PRORP: variants seen among roughly 807,000 people sequenced by gnomAD.
PRORP encodes protein only RNase P catalytic subunit, also known as mitochondrial ribonuclease P catalytic subunit.
Under a neutral mutation model 59.4 loss-of-function variants are expected in PRORP, and 51 were observed. That is an observed-to-expected ratio of 0.86 (90% CI 0.69 to 1.08). The LOEUF is 1.08. Ranked by LOEUF, PRORP falls within the 50% of genes least tolerant of loss-of-function variation. PRORP has a pLI of 0.00. For missense variants in PRORP, 646 were observed against 690.3 expected (o/e 0.94, Z 0.72); for synonymous variants, 231 against 245.6 (o/e 0.94, Z 0.55).
chr14:35,192,093 G>C (rs2048897767), intron 5 of PRORP, among the ~76,000 whole-genome samples: 1 of 152,072 alleles, frequency 6.6e-6, no homozygotes, highest in Non-Finnish European at 1.5e-5. Flanking sequence ...CCTCATCGTG[G>C]ATTATAGTAA....
intron 5 of PRORP, among the ~76,000 whole-genome samples, chr14:35,195,525 C>T (rs1199017265): frequency 1.3e-5 from 2 of 152,050 alleles, no homozygotes. Context: ...GTCACTTCTT[C>T]CTTTATATAG....
chr14:35,264,806 C>T (rs1448585519), intron 5 of PRORP, among the ~76,000 whole-genome samples: 3 of 152,178 alleles, frequency 2.0e-5, no homozygotes, highest in Non-Finnish European at 4.4e-5. Context: ...GGTGAAACCC[C>T]GTCTCTGCTA....
At chr14:35,238,274 A>G (rs1003078895) in intron 5 of PRORP, among the ~76,000 whole-genome samples, 23 of 152,204 alleles carry the variant, frequency 1.5e-4, no homozygotes, top group African/African-American at 4.1e-4. Context: ...GTGCCGCACT[A>G]TCATGCCCTG....
intron 5 of PRORP, among the ~76,000 whole-genome samples, chr14:35,218,748 ACTCCT>A (rs2049688977): frequency 6.6e-6 from 1 of 151,186 alleles, no homozygotes; most frequent in South Asian, 2.1e-4. Context: ...CTGGTCTTGA[ACTCCT>A]GACCTCAAGT....
intron 4 of PRORP, among the ~76,000 whole-genome samples, chr14:35,139,116 C>A (rs2047430903): frequency 6.9e-6 from 1 of 145,274 alleles, no homozygotes; most frequent in African/African-American, 2.4e-5. Context: ...TCATACAAGT[C>A]CTTTTGGTTT....
intron 4 of PRORP, among the ~76,000 whole-genome samples, chr14:35,168,024 A>G (rs1468716535): frequency 6.6e-6 from 1 of 152,214 alleles, no homozygotes; most frequent in Non-Finnish European, 1.5e-5. Flanking sequence ...GTTAATAGAC[A>G]CTTGAATTGT....
intron 5 of PRORP, among the ~76,000 whole-genome samples, chr14:35,196,466 C>T (rs916471456): frequency 6.6e-6 from 1 of 152,208 alleles, no homozygotes; most frequent in East Asian, 1.9e-4. Context: ...TGATGCACTC[C>T]ATCCTGGGTA....
chr14:35,187,248 A>G (rs1337712976), intron 5 of PRORP, among the ~76,000 whole-genome samples: 1 of 152,178 alleles, frequency 6.6e-6, no homozygotes, highest in Non-Finnish European at 1.5e-5. Context: ...TTTCCAAAGC[A>G]TCTGCACCAT....
At chr14:35,255,416 C>T (rs1337459231) in intron 5 of PRORP, among the ~76,000 whole-genome samples, 2 of 152,240 alleles carry the variant, frequency 1.3e-5, no homozygotes, top group African/African-American at 4.8e-5. Context: ...AGGCATGAGC[C>T]ACCACACCCG....
intron 6 of PRORP, among the ~76,000 whole-genome samples, chr14:35,269,591 C>T (rs1372770234): frequency 6.6e-6 from 1 of 152,264 alleles, no homozygotes; most frequent in Middle Eastern, 3.4e-3. Flanking sequence ...CCAACAATTA[C>T]CATCATTTTG....
In PRORP at chr14:35,127,557, A is replaced by T; in HGVS notation, c.1113A>T (p.Lys371Asn). ...SPEEYECLKG[K>N]IMRDVIDGGD... ...AAGAATATGAATGTCTTAAGGGAAA[A>T]ATCATGAGGGATGTGATAGATGGAG... Residue 371 changes from lysine to asparagine, a missense_variant, in exon 4 of 8, where the codon AAA (lysine) becomes AAT (asparagine). Lys to Asn is a moderately conservative substitution (Grantham distance 94). Coordinates refer to ENST00000534898, the MANE Select transcript of PRORP (RefSeq NM_014672.4). 6.2e-7 allele frequency: 1 copy of T among 1,614,060 alleles called. No individual in the cohort carries two copies. The highest frequency in any genetic ancestry group is 8.5e-7 in the Non-Finnish European group (1 of 1,179,970).
intron 5 of PRORP, among the ~76,000 whole-genome samples, chr14:35,226,724 A>C (rs1388520331): frequency 6.6e-6 from 1 of 151,334 alleles, no homozygotes; most frequent in Non-Finnish European, 1.5e-5. Flanking sequence ...AAACAAGCAA[A>C]AATTATTATT....
intron 5 of PRORP, among the ~76,000 whole-genome samples, chr14:35,185,158 C>G (rs568487859): frequency 2.6e-4 from 39 of 152,242 alleles, no homozygotes; most frequent in African/African-American, 9.4e-4. Context: ...TAAGTGTTCC[C>G]TTTTCTCTGC....
chr14:35,188,410 C>T (rs1168310140), intron 5 of PRORP, among the ~76,000 whole-genome samples: 4 of 150,810 alleles, frequency 2.7e-5, no homozygotes, highest in East Asian at 4.0e-4. Context: ...AGGCTGGTCT[C>T]GAACTCCTGA....
chr14:35,273,447 T>C lies in PRORP; in HGVS notation c.1633T>C (p.Tyr545His). ...SKLTFQRILSYDTVVQTTGDS... is the reference protein window; with the variant it reads ...SKLTFQRILSHDTVVQTTGDS... Reference sequence around the variant, plus strand: ...TTTAATTCAACAGCGTATTCTCAGCTATGACACAGTGGTGCAAACAACTGG... The same window carrying C: ...TTTAATTCAACAGCGTATTCTCAGCCATGACACAGTGGTGCAAACAACTGG... The change falls in exon 8 of 8, where the codon TAT becomes CAT. Residue 545 changes from tyrosine (Y) to histidine (H), a missense_variant. By Grantham distance (83) the Tyr-to-His change is moderately conservative (BLOSUM62 2). Coordinates refer to ENST00000534898, the MANE Select transcript of PRORP (RefSeq NM_014672.4). 1 of 1,610,746 alleles carries C rather than the reference T, an allele frequency of 6.2e-7. No homozygotes were observed. The highest frequency in any genetic ancestry group is 8.5e-7 in the Non-Finnish European group (1 of 1,178,746).
chr14:35,248,016 G>A (rs59219056), intron 5 of PRORP, among the ~76,000 whole-genome samples: 240 of 152,256 alleles, frequency 1.6e-3, no homozygotes, highest in African/African-American at 5.5e-3. Flanking sequence ...ATAGTGGTGA[G>A]CAGGAAACAT....
intron 5 of PRORP, among the ~76,000 whole-genome samples, chr14:35,238,416 G>A (rs2050276007): frequency 6.6e-6 from 1 of 152,146 alleles, no homozygotes; most frequent in Non-Finnish European, 1.5e-5. Context: ...GGATGAGTAT[G>A]TATAGGAAAA....
At chr14:35,162,389 T>G (rs866979970) in intron 4 of PRORP, among the ~76,000 whole-genome samples, 2 of 152,088 alleles carry the variant, frequency 1.3e-5, no homozygotes, top group Non-Finnish European at 2.9e-5. Context: ...TTTTGATCTT[T>G]GCCTATATGA....
chr14:35,127,010 T>C (rs2047115037), intron 3 of PRORP, among the ~76,000 whole-genome samples: 1 of 152,224 alleles, frequency 6.6e-6, no homozygotes, highest in South Asian at 2.1e-4. Context: ...GTTTTTTCCC[T>C]AGAGGTTCCA....
Sources: allele counts gnomAD v4.1 joint callset (sites outside exome capture counted in the v4.1 genomes callset), GRCh38; gene constraint gnomAD v4.1.1; transcripts MANE v1.5; gene names NCBI Gene and HGNC (gene_info 2026-07-23, HGNC 2026-07-21).